EPAS1: variants seen among roughly 807,000 people sequenced by gnomAD.
EPAS1 encodes endothelial PAS domain protein 1.
Under a neutral mutation model 87.9 loss-of-function variants are expected in EPAS1, and 23 were observed. The observed-to-expected ratio is 0.26, with a 90% CI of 0.19 to 0.37. EPAS1 has a LOEUF of 0.37. Among genes scored for constraint, EPAS1 ranks in the 10% least tolerant of loss-of-function variants. The pLI, the probability that EPAS1 is intolerant of heterozygous loss-of-function variation, is 1.00. For synonymous variants in EPAS1, 508 were observed against 444.3 expected (o/e 1.14, Z -1.80); for missense variants, 1,138 against 1,120.7 (o/e 1.02, Z -0.22).
At chr2:46,318,793 G>A (rs1013072766) in intron 1 of EPAS1, among the ~76,000 whole-genome samples, 2 of 152,168 alleles carry the variant, frequency 1.3e-5, no homozygotes, top group African/African-American at 4.8e-5. Flanking sequence ...AGTATTAATT[G>A]TGAAGCACAA....
In EPAS1 at chr2:46,346,788, G is replaced by T; in HGVS notation, c.27-85G>T. ...AGTAAGGGAGTGTGGCTGCACTGGG[G>T]GTTGGGGCCATGGGGATGTCCTGGC... On this transcript the variant is annotated intron_variant, in intron 1 of 15. Coordinates refer to ENST00000263734, the MANE Select transcript of EPAS1 (RefSeq NM_001430.5). This position sits in a 1 kb window ranked among gnomAD's most constrained non-coding sequence, Gnocchi z 4.0. 6.9e-7 allele frequency: 1 copy of T among 1,446,882 alleles called. No homozygotes were observed. The highest frequency in any genetic ancestry group is 9.6e-7 in the Non-Finnish European group (1 of 1,044,454). 89.6% of individuals were successfully genotyped at this position (1,446,882 alleles called of 1,614,324 possible). A position where few individuals can be genotyped will look rare whatever the true frequency, so the allele number is the denominator to read the frequency against.
rs139399308 is a variant in EPAS1, at chr2:46,324,358, C to T, written c.27-22515C>T. 4.5e-3 allele frequency among the ~76,000 whole-genome samples: 685 copies of T among 152,300 alleles called. 6 individuals carry two copies. Among genetic ancestry groups the T allele is most frequent in the African/African-American group, 0.016 (666 of 41,556 alleles). ...CTAGGATTACAGGTGTGAGCCACTG[C>T]GCCCAGCCCTAATTATGTTTTTATA... On this transcript the variant is annotated intron_variant, in intron 1 of 15. Transcript: ENST00000263734.
chr2:46,330,375 C>G (rs1374588697), intron 1 of EPAS1, among the ~76,000 whole-genome samples: 2 of 152,234 alleles, frequency 1.3e-5, no homozygotes, highest in Admixed American at 6.5e-5. Flanking sequence ...GGGTAGTGCA[C>G]TGTCCCTGAA....
Position 46,380,521 on chromosome 2 carries a change from C to G in EPAS1, c.1849C>G (p.Leu617Val), listed in dbSNP as rs756936824. 6.2e-7 allele frequency: 1 copy of G among 1,614,230 alleles called. No homozygotes were observed. The highest frequency in any genetic ancestry group is 1.1e-5 in the South Asian group (1 of 91,090). Residue 617 changes from leucine to valine, a missense_variant, in exon 12 of 16, where the codon CTG (leucine) becomes GTG (valine). By Grantham distance (32) the Leu-to-Val change is conservative. Around this residue, in one of 4 missense-constraint regions of EPAS1, gnomAD observed 502 missense variants for 427.1 expected, o/e 1.18. Coordinates refer to ENST00000263734, the MANE Select transcript of EPAS1 (RefSeq NM_001430.5). The surrounding 1 kb of genome is among the most constrained non-coding windows in gnomAD (Gnocchi z 4.4). ...IFFDAGSKAS[L>V]PPCCGQASTP... ...CTTTGATGCCGGAAGCAAAGCATCC[C>G]TGCCACCGTGCTGTGGCCAGGCCAG...
chr2:46,318,421 A>G (rs1683388767), intron 1 of EPAS1, among the ~76,000 whole-genome samples: 1 of 152,262 alleles, frequency 6.6e-6, no homozygotes, highest in Admixed American at 6.5e-5. Flanking sequence ...AAGTGAGCAC[A>G]TACTATTGGA....
At position 46,334,238 on chromosome 2, in the gene EPAS1, GACA is replaced by G. The variant is rs1683744511; in HGVS notation, c.27-12631_27-12629del. Among the ~76,000 whole-genome samples the G allele has an allele frequency of 2.0e-5, 3 of 152,204 alleles. No homozygotes were observed. In the South Asian group the frequency reaches 6.2e-4, roughly 31 times the overall value. The stretch of plus-strand genomic sequence containing the variant: ...CACCTGGCACCTCAGCCACTAATCA[GACA>G]ACAGGCTAGGCAATTATCCGGGCAT... On this transcript the variant is annotated intron_variant, in intron 1 of 15. Transcript: ENST00000263734.
At chr2:46,366,611 AT>A in intron 6 of EPAS1, among the ~76,000 whole-genome samples, 1 of 152,266 alleles carries the variant, frequency 6.6e-6, no homozygotes, top group Admixed American at 6.5e-5. Context: ...GTCCTTGTAC[AT>A]TTCTCTCTTC....
In EPAS1 at chr2:46,376,458, A is replaced by G. The variant is rs924675682; in HGVS notation, c.1035-81A>G. ...CCATTTTTTGTCGGAGAGCTTAGCT[A>G]TGAGGGTTTCCATGCATCTAGGGGA... On this transcript the variant is annotated intron_variant, in intron 8 of 15. Transcript: ENST00000263734. 8 of 1,382,902 alleles carry G rather than the reference A, an allele frequency of 5.8e-6. No homozygotes were observed. In the African/African-American group the frequency reaches 8.6e-5, roughly 15 times the overall value. The allele number at this position is 1,382,902 out of a possible 1,614,324, so 85.7% of individuals were successfully genotyped here. A position where few individuals can be genotyped will look rare whatever the true frequency, so the allele number is the denominator to read the frequency against.
chr2:46,345,249 ACTACCATGC>A, intron 1 of EPAS1, among the ~76,000 whole-genome samples: 1 of 152,308 alleles, frequency 6.6e-6, no homozygotes, highest in South Asian at 2.1e-4. Flanking sequence ...AGGTCCAAAT[ACTACCATGC>A]CTGGCTTAGA....
intron 15 of EPAS1, among the ~76,000 whole-genome samples, chr2:46,384,308 G>A (rs1464865388): frequency 6.6e-6 from 1 of 152,102 alleles, no homozygotes; most frequent in Admixed American, 6.5e-5. Flanking sequence ...CTCTTTCTTG[G>A]GTCTCAGCAC....
At chr2:46,317,500 C>T (rs1271919977) in intron 1 of EPAS1, among the ~76,000 whole-genome samples, 1 of 152,136 alleles carries the variant, frequency 6.6e-6, no homozygotes, top group African/African-American at 2.4e-5. Flanking sequence ...GTGCTGTCAT[C>T]CAGGTTTTGT....
At chr2:46,383,350 T>G (rs1418437405) in intron 15 of EPAS1, among the ~76,000 whole-genome samples, 2 of 152,232 alleles carry the variant, frequency 1.3e-5, no homozygotes. Flanking sequence ...AATGCCTGCC[T>G]TCAACCCTGG....
In EPAS1 at chr2:46,380,664, A is replaced by C. The variant is rs767083480; in HGVS notation, c.1992A>C (p.Ala664=). ...ATCAGCGCACAGAGTTCTTGGGAGC[A>C]GCGCCGTTGGGGCCCCCTGTCTCTC... The part of the protein sequence containing the change: ...VGDQRTEFLG[A]APLGPPVSPP... Residue 664 remains alanine (A), a synonymous_variant, in exon 12 of 16, where the codon GCA becomes GCC. Coordinates refer to ENST00000263734, the MANE Select transcript of EPAS1 (RefSeq NM_001430.5). This position sits in a 1 kb window ranked among gnomAD's most constrained non-coding sequence, Gnocchi z 4.4. 6.2e-7 allele frequency: 1 copy of C among 1,614,060 alleles called. No homozygotes were observed. The highest frequency in any genetic ancestry group is 1.1e-5 in the South Asian group (1 of 91,072).
intron 1 of EPAS1, among the ~76,000 whole-genome samples, chr2:46,313,212 C>G: frequency 6.6e-6 from 1 of 152,168 alleles, no homozygotes; most frequent in South Asian, 2.1e-4. Context: ...TGAGATGTGA[C>G]AGGCCACTCA....
chr2:46,326,487 A>G (rs929297549), intron 1 of EPAS1, among the ~76,000 whole-genome samples: 4 of 152,210 alleles, frequency 2.6e-5, no homozygotes, highest in African/African-American at 4.8e-5. Context: ...ACATTTGGTC[A>G]GGGTGGAGAG....
At chr2:46,306,476 A>G (rs1380619727) in intron 1 of EPAS1, among the ~76,000 whole-genome samples, 1 of 152,240 alleles carries the variant, frequency 6.6e-6, no homozygotes, top group Non-Finnish European at 1.5e-5. Context: ...GTAATGAGCC[A>G]TGAGCACAAA....
intron 4 of EPAS1, among the ~76,000 whole-genome samples, chr2:46,359,409 TG>T (rs1684343487): frequency 6.6e-6 from 1 of 151,912 alleles, no homozygotes; most frequent in African/African-American, 2.4e-5. Flanking sequence ...GTCCTGGTGG[TG>T]GGGCCAGATC....
chr2:46,369,549 C>T (rs1012288126), intron 6 of EPAS1, among the ~76,000 whole-genome samples: 8 of 152,116 alleles, frequency 5.3e-5, no homozygotes, highest in South Asian at 4.1e-4. Flanking sequence ...ATGTGTGTAC[C>T]GGGGTGGTGG....
chr2:46,348,719 C>T (rs1449408697), intron 2 of EPAS1, among the ~76,000 whole-genome samples: 2 of 152,154 alleles, frequency 1.3e-5, no homozygotes, highest in Non-Finnish European at 2.9e-5. Flanking sequence ...AGCAGAAGTG[C>T]TTTTGATTTT....
Sources: gnomAD v4.1 joint callset for allele counts (sites outside exome capture counted in the v4.1 genomes callset) on GRCh38, gnomAD v4.1.1 for gene constraint, gnomAD v4.1.1 regional missense constraint, Gnocchi (gnomAD v3.1) non-coding constraint, MANE v1.5 for transcripts, NCBI Gene and HGNC (gene_info 2026-07-23, HGNC 2026-07-21) for gene names.